Variants in SPPL3 observed in about 807,000 individuals in gnomAD.
SPPL3 encodes signal peptide peptidase-like 3.
Under a neutral mutation model 42.4 loss-of-function variants are expected in SPPL3, and 5 were observed. The observed-to-expected ratio is 0.12, with a 90% CI of 0.06 to 0.25. The LOEUF is 0.25. Among genes scored for constraint, SPPL3 ranks in the 10% least tolerant of loss-of-function variants. The probability of loss-of-function intolerance (pLI) is 1.00; values close to 1 mark genes in which losing one functional copy is unlikely to be tolerated. For synonymous variants in SPPL3, 195 were observed against 181.8 expected (o/e 1.07, Z -0.58); for missense variants, 235 against 489.0 (o/e 0.48, Z 4.90).
At chr12:120,903,560 G>A (rs532416527) in intron 1 of SPPL3, 18 of 418,588 alleles carry the variant, frequency 4.3e-5, no homozygotes, top group Non-Finnish European at 6.9e-5. Context: ...CCCACCCCCG[G>A]GGTCATGCTC....
intron 1 of SPPL3, among the ~76,000 whole-genome samples, chr12:120,844,939 T>C (rs530339645): frequency 6.6e-6 from 1 of 151,696 alleles, no homozygotes; most frequent in East Asian, 1.9e-4. Flanking sequence ...AGAAACTATT[T>C]ACATTGAATA....
chr12:120,808,194 G>C (rs1359097327), intron 2 of SPPL3, among the ~76,000 whole-genome samples: 1 of 151,426 alleles, frequency 6.6e-6, no homozygotes, highest in Non-Finnish European at 1.5e-5. Flanking sequence ...CCGCCTCCTG[G>C]GCTCAAACAT....
chr12:120,816,873 G>T (rs966869202), intron 1 of SPPL3, among the ~76,000 whole-genome samples: 4 of 152,144 alleles, frequency 2.6e-5, no homozygotes, highest in African/African-American at 9.7e-5. Flanking sequence ...GTTTCTATCT[G>T]TAATTATACA....
chr12:120,889,602 A>G (rs894628912), intron 1 of SPPL3, among the ~76,000 whole-genome samples: 20 of 152,346 alleles, frequency 1.3e-4, no homozygotes, highest in African/African-American at 4.8e-4. Flanking sequence ...GAGTCATCTC[A>G]ATCAACTTAC....
chr12:120,814,624 T>G (rs1228895311), intron 1 of SPPL3, among the ~76,000 whole-genome samples: 2 of 152,174 alleles, frequency 1.3e-5, no homozygotes, highest in Non-Finnish European at 2.9e-5. Flanking sequence ...CTAGGTTATA[T>G]ATTCATACAA....
chr12:120,882,445 G>A (rs562646071), intron 1 of SPPL3, among the ~76,000 whole-genome samples: 1 of 152,198 alleles, frequency 6.6e-6, no homozygotes, highest in South Asian at 2.1e-4. Flanking sequence ...CAATATAACA[G>A]GGGTACTGCA....
In SPPL3 at chr12:120,878,852, A is replaced by G. The variant is rs550427148; in HGVS notation, c.23+24993T>C. The stretch of plus-strand genomic sequence containing the variant: ...GATAAGGCCGGGCGCAGTGGCTCAT[A>G]CCCGTAATCCCAGCACTTTGGGAGG... On this transcript the variant is annotated intron_variant, in intron 1 of 10. Coordinates refer to ENST00000353487, the MANE Select transcript of SPPL3 (RefSeq NM_139015.5). 2.0e-5 allele frequency among the ~76,000 whole-genome samples: 3 copies of G among 152,184 alleles called. No homozygotes were observed. In the East Asian group the frequency reaches 5.8e-4, roughly 29 times the overall value.
chr12:120,775,928 C>A (rs1306786180), intron 6 of SPPL3, among the ~76,000 whole-genome samples: 1 of 151,956 alleles, frequency 6.6e-6, no homozygotes, highest in Non-Finnish European at 1.5e-5. Flanking sequence ...CACCAAATAT[C>A]ACTGCTTACA....
At chr12:120,766,980 TGCCTACACATGAGCTG>T (rs1167162768) in intron 9 of SPPL3, among the ~76,000 whole-genome samples, 3 of 152,232 alleles carry the variant, frequency 2.0e-5, no homozygotes, top group Non-Finnish European at 2.9e-5. Flanking sequence ...ATCTCCTGTC[TGCCTACACATGAGCTG>T]GCTACAAAAC....
At position 120,765,002 on chromosome 12, in the gene SPPL3, T is replaced by C. The variant is rs772529195; in HGVS notation, c.1152A>G (p.Val384=). The change falls in exon 11 of 11, where the codon GTA becomes GTG. Residue 384 remains valine (V), a synonymous_variant. Coordinates refer to ENST00000353487, the MANE Select transcript of SPPL3 (RefSeq NM_139015.5). Reference sequence around the variant, plus strand: ...TGGTCACTTTCCACGTGATCCATCATACTTCCAGGAATCGGGAGCTGCTGG... The same window carrying C: ...TGGTCACTTTCCACGTGATCCATCACACTTCCAGGAATCGGGAGCTGCTGG... ...SKSSSSRFLE[V] 1.9e-6 allele frequency: 3 copies of C among 1,613,924 alleles called. No individual in the cohort carries two copies. The highest frequency in any genetic ancestry group is 1.6e-4 in the Middle Eastern group (1 of 6,062).
chr12:120,776,161 G>A (rs922046247), intron 6 of SPPL3, among the ~76,000 whole-genome samples: 3 of 152,204 alleles, frequency 2.0e-5, no homozygotes, highest in Non-Finnish European at 2.9e-5. Flanking sequence ...AAACTGGCAG[G>A]AAGAAGAGAT....
intron 1 of SPPL3, among the ~76,000 whole-genome samples, chr12:120,867,442 G>T (rs888866169): frequency 2.0e-5 from 3 of 152,088 alleles, no homozygotes; most frequent in African/African-American, 7.2e-5. Context: ...CGAGGTGGGT[G>T]GATCACAAGG....
intron 1 of SPPL3, among the ~76,000 whole-genome samples, chr12:120,868,729 C>T (rs966360665): frequency 6.6e-6 from 1 of 152,210 alleles, no homozygotes; most frequent in Non-Finnish European, 1.5e-5. Context: ...ATCCACCCAC[C>T]TCGGCCTCCC....
At chr12:120,879,546 T>A (rs1046260170) in intron 1 of SPPL3, among the ~76,000 whole-genome samples, 2 of 152,104 alleles carry the variant, frequency 1.3e-5, no homozygotes, top group East Asian at 3.8e-4. Context: ...AACAGAGATT[T>A]TTACCGCCCA....
chr12:120,878,947 C>T (rs184183490), intron 1 of SPPL3, among the ~76,000 whole-genome samples: 1 of 151,714 alleles, frequency 6.6e-6, no homozygotes, highest in African/African-American at 2.4e-5. Flanking sequence ...AACCCCGTCT[C>T]TACATAAAAT....
chr12:120,894,617 G>A (rs10774573), intron 1 of SPPL3, among the ~76,000 whole-genome samples: 29,502 of 152,110 alleles, frequency 0.19, 4,513 homozygotes, highest in African/African-American at 0.41. Context: ...AGGGAAGTGG[G>A]TGTGCCTGTC....
intron 2 of SPPL3, 84 bp from the exon 3 acceptor site, chr12:120,791,641 C>A: frequency 1.2e-6 from 1 of 850,038 alleles, no homozygotes; most frequent in Non-Finnish European, 1.9e-6. Context: ...TTTTTAAATG[C>A]CAAGGAATTA....
chr12:120,820,987 A>G (rs1168556738), intron 1 of SPPL3, among the ~76,000 whole-genome samples: 1 of 152,206 alleles, frequency 6.6e-6, no homozygotes, highest in African/African-American at 2.4e-5. Context: ...AAAGACATAT[A>G]TGAAATATAC....
chr12:120,778,054 T>G (rs1869391918), intron 6 of SPPL3, among the ~76,000 whole-genome samples: 1 of 150,998 alleles, frequency 6.6e-6, no homozygotes, highest in Non-Finnish European at 1.5e-5. Flanking sequence ...CAGATTTACA[T>G]ATTTGTAAAA....
Sources: allele counts gnomAD v4.1 joint callset (sites outside exome capture counted in the v4.1 genomes callset), GRCh38; gene constraint gnomAD v4.1.1; transcripts MANE v1.5; gene names NCBI Gene and HGNC (gene_info 2026-07-23, HGNC 2026-07-21).